PTPRK: variants seen among roughly 807,000 people sequenced by gnomAD.
The protein encoded by PTPRK is protein tyrosine phosphatase receptor type K.
PTPRK carries 75 observed loss-of-function variants against 178.0 expected under a neutral mutation model. The ratio of observed to expected loss-of-function variants is 0.42; its 90% CI spans 0.35 to 0.51. The LOEUF (loss-of-function observed/expected upper bound fraction) is 0.51, where lower values mean the gene tolerates loss of function less well. Among genes scored for constraint, PTPRK ranks in the 20% least tolerant of loss-of-function variants. The probability of loss-of-function intolerance (pLI) is 0.02; values close to 1 mark genes in which losing one functional copy is unlikely to be tolerated. For synonymous variants in PTPRK, 637 were observed against 620.6 expected (o/e 1.03, Z -0.39); for missense variants, 1,441 against 1,797.8 (o/e 0.80, Z 3.59).
intron 1 of PTPRK, among the ~76,000 whole-genome samples, chr6:128,517,166 T>C (rs1858189430): frequency 6.6e-6 from 1 of 151,406 alleles, no homozygotes; most frequent in Non-Finnish European, 1.5e-5. Flanking sequence ...TTGGAAGGAG[T>C]AAAAAGCTGA....
At chr6:128,010,660 A>C (rs974257278) in intron 13 of PTPRK, among the ~76,000 whole-genome samples, 1 of 151,330 alleles carries the variant, frequency 6.6e-6, no homozygotes, top group African/African-American at 2.4e-5. Flanking sequence ...TAAAATGGTA[A>C]TTTAAAGCTA....
chr6:128,147,548 C>G (rs1796667841), intron 7 of PTPRK, among the ~76,000 whole-genome samples: 1 of 152,016 alleles, frequency 6.6e-6, no homozygotes, highest in Non-Finnish European at 1.5e-5. Flanking sequence ...AAATAAGAAT[C>G]AAACCATATA....
intron 8 of PTPRK, among the ~76,000 whole-genome samples, chr6:128,084,675 C>G (rs570834505): frequency 6.6e-6 from 1 of 152,230 alleles, no homozygotes; most frequent in East Asian, 1.9e-4. Flanking sequence ...TGACAAAATA[C>G]CAGATAAAAA....
intron 13 of PTPRK, among the ~76,000 whole-genome samples, chr6:128,043,090 A>C (rs940250727): frequency 5.3e-5 from 8 of 152,094 alleles, no homozygotes; most frequent in African/African-American, 1.4e-4. Context: ...TCCCTAATAA[A>C]CAAATGGCAT....
intron 13 of PTPRK, among the ~76,000 whole-genome samples, chr6:128,042,778 TATC>T (rs1464364470): frequency 6.6e-6 from 1 of 152,030 alleles, no homozygotes; most frequent in East Asian, 1.9e-4. Flanking sequence ...AACCAAGAAT[TATC>T]ATGATTACAA....
At chr6:128,407,335 CA>C (rs1841777058) in intron 1 of PTPRK, among the ~76,000 whole-genome samples, 1 of 152,052 alleles carries the variant, frequency 6.6e-6, no homozygotes, top group Non-Finnish European at 1.5e-5. Context: ...ATTCTGATCT[CA>C]TCAGAGTTAG....
chr6:128,214,833 C>T (rs191993043), intron 6 of PTPRK, among the ~76,000 whole-genome samples: 22 of 152,128 alleles, frequency 1.4e-4, no homozygotes, highest in Admixed American at 2.6e-4. Context: ...TGTCTTACAA[C>T]GGAATGACAT....
chr6:128,258,332 A>G (rs1170400040), intron 3 of PTPRK, among the ~76,000 whole-genome samples: 1 of 152,180 alleles, frequency 6.6e-6, no homozygotes, highest in Non-Finnish European at 1.5e-5. Context: ...AGATCAAAAT[A>G]TGTTACATAA....
At chr6:128,415,520 A>AT (rs1196545945) in intron 1 of PTPRK, among the ~76,000 whole-genome samples, 6 of 150,608 alleles carry the variant, frequency 4.0e-5, no homozygotes, top group Non-Finnish European at 8.9e-5. Context: ...AAAAAAAAAA[A>AT]TTATTCTCAC....
chr6:128,065,112 T>C (rs959140244), intron 12 of PTPRK, among the ~76,000 whole-genome samples: 7 of 152,130 alleles, frequency 4.6e-5, no homozygotes, highest in African/African-American at 1.4e-4. Flanking sequence ...ATCAGAAAAA[T>C]GTACTTGCAA....
intron 3 of PTPRK, among the ~76,000 whole-genome samples, chr6:128,277,379 C>T (rs907080733): frequency 6.6e-6 from 1 of 152,112 alleles, no homozygotes; most frequent in Admixed American, 6.6e-5. Flanking sequence ...AAATACGAAA[C>T]TGTCATAAGA....
At chr6:128,391,135 A>G (rs928446178) in intron 2 of PTPRK, among the ~76,000 whole-genome samples, 14 of 152,164 alleles carry the variant, frequency 9.2e-5, no homozygotes, top group African/African-American at 3.1e-4. Context: ...TTAAAAAAGA[A>G]TTCTATTACT....
chr6:128,220,310 G>C (rs575848233), intron 5 of PTPRK, among the ~76,000 whole-genome samples: 3 of 152,226 alleles, frequency 2.0e-5, no homozygotes, highest in African/African-American at 7.2e-5. Context: ...GTATAAAAAA[G>C]AGAAAGTGTA....
At chr6:128,120,992 T>G (rs1021201755) in intron 7 of PTPRK, among the ~76,000 whole-genome samples, 1 of 151,954 alleles carries the variant, frequency 6.6e-6, no homozygotes, top group African/African-American at 2.4e-5. Flanking sequence ...AAAATAGTTA[T>G]TTGAAATAGG....
Position 128,024,666 on chromosome 6 carries a change from T to A in PTPRK, c.2195-15398A>T, listed in dbSNP as rs1383708373. Among the ~76,000 whole-genome samples, 2 of 151,766 alleles carry A rather than the reference T, an allele frequency of 1.3e-5. 1 individual carries two copies. The highest frequency in any genetic ancestry group is 3.9e-4 in the East Asian group (2 of 5,160). On this transcript the variant is annotated intron_variant, in intron 13 of 29. Coordinates refer to ENST00000368226, the MANE Select transcript of PTPRK (RefSeq NM_002844.4). Reference sequence around the variant, plus strand: ...TCTACTAAAAATACAAAAAATTAGCTGGGCATGGTGGCAGGCACCTATAAT... The same window carrying A: ...TCTACTAAAAATACAAAAAATTAGCAGGGCATGGTGGCAGGCACCTATAAT...
At chr6:128,076,957 T>C (rs1466205620) in intron 11 of PTPRK, among the ~76,000 whole-genome samples, 4 of 152,008 alleles carry the variant, frequency 2.6e-5, no homozygotes, top group Non-Finnish European at 4.4e-5. Context: ...AAATGATCAA[T>C]CAATGTTTGT....
chr6:128,230,244 G>C (rs1467376285), intron 5 of PTPRK, among the ~76,000 whole-genome samples: 1 of 152,184 alleles, frequency 6.6e-6, no homozygotes, highest in Non-Finnish European at 1.5e-5. Context: ...GGGGAAGCTA[G>C]AAGTCAAACA....
intron 1 of PTPRK, among the ~76,000 whole-genome samples, chr6:128,470,891 T>C (rs757073895): frequency 6.7e-6 from 1 of 150,252 alleles, no homozygotes; most frequent in Non-Finnish European, 1.5e-5. Flanking sequence ...CATTTAACCA[T>C]GTAGTGAATT....
rs750610108 is a variant in PTPRK, at chr6:128,515,684, T to TCA, written c.100+4573_100+4574dup. On this transcript the variant is annotated intron_variant, in intron 1 of 29. Coordinates refer to ENST00000368226, the MANE Select transcript of PTPRK (RefSeq NM_002844.4). ...AAAGATCAAAAACACATACACACACTCACACACACACATACACGTGCACAC... is the reference window on the plus strand; with the variant it reads ...AAAGATCAAAAACACATACACACACTCACACACACACACATACACGTGCACAC... Among the ~76,000 whole-genome samples, 79 of 151,812 alleles carry TCA rather than the reference T, an allele frequency of 5.2e-4. 1 individual carries two copies. Among genetic ancestry groups the TCA allele is most frequent in the Non-Finnish European group, 9.3e-4 (63 of 67,880 alleles).
Sources: gnomAD v4.1 joint callset for allele counts (sites outside exome capture counted in the v4.1 genomes callset) on GRCh38, gnomAD v4.1.1 for gene constraint, MANE v1.5 for transcripts, NCBI Gene and HGNC (gene_info 2026-07-23, HGNC 2026-07-21) for gene names.